COL2A1: variants seen among roughly 807,000 people sequenced by gnomAD.
COL2A1 encodes the protein collagen alpha-1(II) chain.
A neutral mutation model predicts 204.5 loss-of-function variants in COL2A1; 28 were observed. That is an observed-to-expected ratio of 0.14 (90% CI 0.10 to 0.19). COL2A1 has a LOEUF of 0.19. Among genes scored for constraint, COL2A1 ranks in the 10% least tolerant of loss-of-function variants. The pLI is 1.00. For missense variants in COL2A1, 1,388 were observed against 2,027.5 expected (o/e 0.68, Z 6.06); for synonymous variants, 708 against 718.7 (o/e 0.99, Z 0.24).
rs1939018044 is a variant in COL2A1, at chr12:47,980,777, G to T, written c.2518-116C>A. On this transcript the variant is annotated intron_variant, in intron 38 of 53. Coordinates refer to ENST00000380518, the MANE Select transcript of COL2A1 (RefSeq NM_001844.5). This position sits in a 1 kb window ranked among gnomAD's most constrained non-coding sequence, Gnocchi z 4.5. Reference sequence around the variant, plus strand: ...GTGTGTGTCCTGGTCTGGACATGATGGTTCTATTAGTATGGAGGCGGGAAA... The same window carrying T: ...GTGTGTGTCCTGGTCTGGACATGATTGTTCTATTAGTATGGAGGCGGGAAA... 1.4e-6 allele frequency: 2 copies of T among 1,387,668 alleles called. No individual in the cohort carries two copies. The highest frequency in any genetic ancestry group is 2.5e-5 in the South Asian group (2 of 80,884). The allele number at this position is 1,387,668 out of a possible 1,614,324, so 86.0% of individuals were successfully genotyped here.
At chr12:47,999,670 C>G (rs1474604196) in intron 2 of COL2A1, 5 of 244,208 alleles carry the variant, frequency 2.0e-5, no homozygotes, top group Non-Finnish European at 3.5e-5. Context: ...TCACATCTGT[C>G]CTTCATGTGT....
intron 16 of COL2A1, among the ~76,000 whole-genome samples, chr12:47,990,177 T>A (rs1476007216): frequency 1.3e-5 from 2 of 152,124 alleles, no homozygotes; most frequent in Non-Finnish European, 2.9e-5. Context: ...CTATTTTTTT[T>A]ATTGTTATTT....
Position 47,982,523 on chromosome 12 carries a change from G to A in COL2A1, c.2280C>T (p.Ile760=), listed in dbSNP as rs757108462. The A allele has an allele frequency of 1.5e-5, 24 of 1,613,672 alleles. No individual in the cohort carries two copies. The highest frequency in any genetic ancestry group is 4.0e-5 in the African/African-American group (3 of 74,928). ...GMPGERGAAG[I]AGPKGDRGDV... ...TTACCCTGTCGCCTTTGGGCCCAGC[G>A]ATACCAGCTGCTCCCCTCTCGCCAG... Residue 760 remains isoleucine (I), a synonymous_variant, in exon 34 of 54, where the codon ATC becomes ATT. Transcript: ENST00000380518.
chr12:47,993,039 C>T (rs1312288555), intron 15 of COL2A1, 108 bp from the exon 16 acceptor site: 16 of 1,060,252 alleles, frequency 1.5e-5, no homozygotes, highest in Non-Finnish European at 2.0e-5. Context: ...GGGAGGATGC[C>T]CACACCCAGG....
At chr12:47,998,255 G>A (rs796182260) in intron 3 of COL2A1, 54 bp from the exon 4 acceptor site, 1 of 1,612,176 alleles carries the variant, frequency 6.2e-7, no homozygotes, top group African/African-American at 1.3e-5. Flanking sequence ...TAAGCCCCTA[G>A]TCTAAAACCC....
rs1157518500 is a variant in COL2A1 at position 47,973,247 on chromosome 12, TAGAA to T, written c.*156_*159del. On this transcript the variant is annotated 3_prime_UTR_variant, in exon 54 of 54. Coordinates refer to ENST00000380518, the MANE Select transcript of COL2A1 (RefSeq NM_001844.5). ...TGCAGTCTGCCCAGTTCAGGTCTCTTAGAAAGAGAGGGGAGAAAAGTCCGAACTG... is the reference window on the plus strand; with the variant it reads ...TGCAGTCTGCCCAGTTCAGGTCTCTTAGAGAGGGGAGAAAAGTCCGAACTG... The T allele has an allele frequency of 7.8e-6, 7 of 898,300 alleles. No homozygotes were observed. Among genetic ancestry groups the T allele is most frequent in the Admixed American group, 5.5e-5 (3 of 54,822 alleles). The allele number at this position is 898,300 out of a possible 1,614,324, so 55.6% of individuals were successfully genotyped here.
chr12:47,996,652 A>C, intron 7 of COL2A1, 27 bp from the exon 8 acceptor site: 1 of 1,601,850 alleles, frequency 6.2e-7, no homozygotes, highest in Non-Finnish European at 8.6e-7. Flanking sequence ...CAACGTTAGG[A>C]GGTTGAAAGG....
At chr12:47,986,749 G>A in intron 22 of COL2A1, 86 bp downstream of exon 22, 5 of 1,459,584 alleles carry the variant, frequency 3.4e-6, no homozygotes, top group South Asian at 1.1e-5. Flanking sequence ...AGCCCTGGAG[G>A]AGGGAGGTGG....
At chr12:47,993,642 G>T in intron 14 of COL2A1, 140 bp from the exon 15 acceptor site, 1 of 1,079,426 alleles carries the variant, frequency 9.3e-7, no homozygotes, top group Non-Finnish European at 1.4e-6. Flanking sequence ...AATGCCCTGA[G>T]CTCTCCAGGC....
chr12:47,979,704 G>T, intron 40 of COL2A1, 140 bp from the exon 41 acceptor site: 1 of 822,828 alleles, frequency 1.2e-6, no homozygotes, highest in South Asian at 1.4e-5. Flanking sequence ...GATCCAGGGA[G>T]GGAGAAAGGG....
At chr12:47,995,795 C>A in intron 9 of COL2A1, 32 bp from the exon 10 acceptor site, 1 of 1,612,772 alleles carries the variant, frequency 6.2e-7, no homozygotes, top group Admixed American at 1.7e-5. Context: ...CCAGGTCAAT[C>A]CCTATAAACT....
rs965255590 is a variant in COL2A1, at chr12:47,976,991, C to G, written c.3328-72G>C. ...GGAGCCCCCTCCTGTCCCACCCAAG[C>G]TGAGGAATCCCCGGAAACACAGGGC... On this transcript the variant is annotated intron_variant, in intron 47 of 53. Transcript: ENST00000380518. The surrounding 1 kb of genome is among the most constrained non-coding windows in gnomAD (Gnocchi z 4.3). 1.3e-6 allele frequency: 2 copies of G among 1,536,030 alleles called. No individual in the cohort carries two copies. Among genetic ancestry groups the G allele is most frequent in the Non-Finnish European group, 1.8e-6 (2 of 1,127,162 alleles).
intron 2 of COL2A1, chr12:47,999,677 G>A: frequency 3.6e-6 from 1 of 278,262 alleles, no homozygotes. Flanking sequence ...TGTCCTTCAT[G>A]TGTCTTGGAA....
At chr12:47,977,196 C>T (rs1938760402) in intron 46 of COL2A1, 41 bp from the exon 47 acceptor site, 1 of 1,608,720 alleles carries the variant, frequency 6.2e-7, no homozygotes, top group African/African-American at 1.3e-5. Context: ...AAAGCCAGGA[C>T]AGGTGGGGGC....
chr12:47,991,552 G>C (rs370749170), intron 16 of COL2A1, among the ~76,000 whole-genome samples: 4 of 152,198 alleles, frequency 2.6e-5, no homozygotes, highest in African/African-American at 4.8e-5. Flanking sequence ...AGTCTGATGG[G>C]AGGGGAGAGG....
At position 47,995,323 on chromosome 12, in the gene COL2A1, A is replaced by G. The variant is rs1396454139; in HGVS notation, c.709-15T>C. 1.2e-6 allele frequency: 2 copies of G among 1,609,348 alleles called. No homozygotes were observed. Among genetic ancestry groups the G allele is most frequent in the Admixed American group, 3.3e-5 (2 of 60,022 alleles). ...CCCATGGGACCCTACAAACAAAGGA[A>G]GATAGTTTAAGAGATGGTTATAGTG... On this transcript the variant is annotated splice_polypyrimidine_tract_variant and intron_variant, in intron 10 of 53. Transcript: ENST00000380518.
chr12:47,979,543 C>T lies in COL2A1; in HGVS notation c.2701G>A (p.Ala901Thr). The T allele has an allele frequency of 6.2e-7, 1 of 1,613,466 alleles. No individual in the cohort carries two copies. Among genetic ancestry groups the T allele is most frequent in the South Asian group, 1.1e-5 (1 of 91,066 alleles). Residue 901 changes from alanine to threonine, a missense_variant, in exon 41 of 54, where the codon GCT (alanine) becomes ACT (threonine). Coordinates refer to ENST00000380518, the MANE Select transcript of COL2A1 (RefSeq NM_001844.5). Reference protein sequence around the residue: ...GPPGATGFPGAAGRVGPPGSN... With the variant: ...GPPGATGFPGTAGRVGPPGSN... ...CCTGGGGGTCCAACGCGGCCAGCAG[C>T]TCCAGGGAATCCAGTGGCTCCCTGT...
At position 47,987,717 on chromosome 12, in the gene COL2A1, G is replaced by A; in HGVS notation, c.1123-8C>T. 6.2e-7 allele frequency: 1 copy of A among 1,603,870 alleles called. No individual in the cohort carries two copies. The highest frequency in any genetic ancestry group is 8.5e-7 in the Non-Finnish European group (1 of 1,173,210). Reference sequence around the variant, plus strand: ...AGTGGGGCCGGCTTCACCCTGGGAAGAGACAGGGAGGATGAAATGAAGAAG... The same window carrying A: ...AGTGGGGCCGGCTTCACCCTGGGAAAAGACAGGGAGGATGAAATGAAGAAG... On this transcript the variant is annotated splice_polypyrimidine_tract_variant and splice_region_variant and intron_variant, in intron 18 of 53. Transcript: ENST00000380518. The surrounding 1 kb of genome is among the most constrained non-coding windows in gnomAD (Gnocchi z 4.1).
intron 2 of COL2A1, among the ~76,000 whole-genome samples, chr12:47,999,145 T>G (rs1940108158): frequency 6.6e-6 from 1 of 152,156 alleles, no homozygotes; most frequent in Non-Finnish European, 1.5e-5. Flanking sequence ...CAGCAAGAGC[T>G]ACCCAAAAAA....
Sources: allele counts gnomAD v4.1 joint callset (sites outside exome capture counted in the v4.1 genomes callset), GRCh38; gene constraint gnomAD v4.1.1; non-coding constraint Gnocchi (gnomAD v3.1); transcripts MANE v1.5; gene names NCBI Gene and HGNC (gene_info 2026-07-23, HGNC 2026-07-21).